COG5: variants seen among roughly 807,000 people sequenced by gnomAD.
COG5 encodes the protein component of oligomeric golgi complex 5.
Under a neutral mutation model 110.4 loss-of-function variants are expected in COG5, and 86 were observed. That is an observed-to-expected ratio of 0.78 (90% CI 0.65 to 0.93). The LOEUF is 0.93. Ranked by LOEUF, COG5 falls within the 40% of genes least tolerant of loss-of-function variation. The pLI is 0.00. For synonymous variants in COG5, 360 were observed against 334.6 expected (o/e 1.08, Z -0.83); for missense variants, 1,077 against 987.0 (o/e 1.09, Z -1.22).
intron 6 of COG5, among the ~76,000 whole-genome samples, chr7:107,413,461 A>G (rs1035036665): frequency 6.6e-6 from 1 of 151,940 alleles, no homozygotes; most frequent in African/African-American, 2.4e-5. Context: ...AGAAAGGTCT[A>G]TATTATTTTA....
At chr7:107,394,269 G>T (rs142974731) in intron 7 of COG5, among the ~76,000 whole-genome samples, 2,165 of 146,362 alleles carry the variant, frequency 0.015, 50 homozygotes, top group African/African-American at 0.053. Flanking sequence ...GGCCAGAAAA[G>T]ATATTTTTTA....
At chr7:107,341,852 C>G (rs1811194304) in intron 10 of COG5, among the ~76,000 whole-genome samples, 1 of 152,174 alleles carries the variant, frequency 6.6e-6, no homozygotes, top group Admixed American at 6.5e-5. Flanking sequence ...AACTGGATCC[C>G]TACCTTTTAT....
At chr7:107,516,580 A>G (rs949839664) in intron 6 of COG5, among the ~76,000 whole-genome samples, 1 of 152,218 alleles carries the variant, frequency 6.6e-6, no homozygotes, top group African/African-American at 2.4e-5. Flanking sequence ...AGACCTCCCA[A>G]CAGGAGTTGA....
chr7:107,355,750 T>C (rs182557334), intron 10 of COG5, among the ~76,000 whole-genome samples: 75 of 152,236 alleles, frequency 4.9e-4, no homozygotes, highest in Admixed American at 1.8e-3. Flanking sequence ...AAAAGATCAG[T>C]GGTTACAGAG....
chr7:107,479,688 C>T (rs1259293862), intron 6 of COG5, among the ~76,000 whole-genome samples: 1 of 152,082 alleles, frequency 6.6e-6, no homozygotes, highest in Admixed American at 6.6e-5. Flanking sequence ...ACATTGATAA[C>T]ACAGGCAAAA....
chr7:107,547,981 T>C (rs964444724), intron 5 of COG5, 130 bp downstream of exon 5: 2 of 781,496 alleles, frequency 2.6e-6, no homozygotes, highest in South Asian at 1.7e-5. Flanking sequence ...CTTTTTAGTA[T>C]TTTTTTCTCC....
chr7:107,519,564 G>C (rs1211168570), intron 6 of COG5, among the ~76,000 whole-genome samples: 2 of 151,492 alleles, frequency 1.3e-5, no homozygotes, highest in African/African-American at 4.9e-5. Context: ...AAAAATACTT[G>C]GACACATACA....
intron 6 of COG5, among the ~76,000 whole-genome samples, chr7:107,514,029 C>G (rs1404736198): frequency 6.6e-6 from 1 of 151,046 alleles, no homozygotes; most frequent in Non-Finnish European, 1.5e-5. Context: ...GCACATGTAC[C>G]CTAAAACTTA....
chr7:107,419,503 G>T (rs1793120664), intron 6 of COG5, among the ~76,000 whole-genome samples: 1 of 151,398 alleles, frequency 6.6e-6, no homozygotes, highest in Non-Finnish European at 1.5e-5. Flanking sequence ...GAGAATGGAG[G>T]AGGTATATTT....
chr7:107,516,272 G>A (rs1479153456), intron 6 of COG5, among the ~76,000 whole-genome samples: 2 of 152,076 alleles, frequency 1.3e-5, no homozygotes, highest in African/African-American at 2.4e-5. Context: ...CATCATCTTG[G>A]GTGAAGTGTC....
At chr7:107,228,817 G>C (rs1480841580) in intron 19 of COG5, among the ~76,000 whole-genome samples, 2 of 150,640 alleles carry the variant, frequency 1.3e-5, no homozygotes, top group Non-Finnish European at 2.9e-5. Context: ...AACAGGCGAG[G>C]TAAAATATAC....
At chr7:107,251,430 C>G (rs1446360215) in intron 16 of COG5, among the ~76,000 whole-genome samples, 1 of 151,974 alleles carries the variant, frequency 6.6e-6, no homozygotes, top group South Asian at 2.1e-4. Flanking sequence ...TAAAAATCAT[C>G]ATTTGGCTGC....
rs551026030 is a variant in COG5 at position 107,441,255 on chromosome 7, C to CAAA, written c.539-28626_539-28624dup. Among the ~76,000 whole-genome samples the CAAA allele has an allele frequency of 2.9e-3, 203 of 70,254 alleles. 3 individuals carry two copies. The highest frequency in any genetic ancestry group is 5.5e-3 in the African/African-American group (95 of 17,340). 46.1% of individuals were successfully genotyped at this position (70,254 alleles called of 152,430 possible). ...TGGGCAACAGAGTGAGACTCCGTCT[C>CAAA]AAAAAAAAAAAAAAAAAAAAAAGAA... On this transcript the variant is annotated intron_variant, in intron 6 of 21. Coordinates refer to ENST00000297135, the MANE Select transcript of COG5 (RefSeq NM_006348.5).
chr7:107,384,671 T>C (rs894289282), intron 7 of COG5, among the ~76,000 whole-genome samples: 2 of 152,078 alleles, frequency 1.3e-5, no homozygotes, highest in Non-Finnish European at 2.9e-5. Flanking sequence ...GGAGGGCTGG[T>C]CTCATGGGAT....
intron 6 of COG5, among the ~76,000 whole-genome samples, chr7:107,454,207 A>G (rs1795525355): frequency 6.6e-6 from 1 of 152,222 alleles, no homozygotes; most frequent in Non-Finnish European, 1.5e-5. Context: ...TAAAAGAACA[A>G]CATGAATACA....
intron 8 of COG5, among the ~76,000 whole-genome samples, chr7:107,367,486 G>A (rs985202396): frequency 4.6e-5 from 7 of 151,912 alleles, no homozygotes; most frequent in Admixed American, 2.6e-4. Flanking sequence ...ATATCACAAT[G>A]TAACTCACAA....
Position 107,252,732 on chromosome 7 carries a change from T to TCAAAATA in COG5, c.1749+3999_1749+4000insTATTTTG, listed in dbSNP as rs1802613267. 2.6e-5 allele frequency among the ~76,000 whole-genome samples: 4 copies of TCAAAATA among 152,100 alleles called. No homozygotes were observed. In the South Asian group the frequency reaches 8.3e-4, roughly 31 times the overall value. ...AGGAATACATAAAAAGGGTAATACATCATGACTAAGGTTGGTTTGATATTT... is the reference window on the plus strand; with the variant it reads ...AGGAATACATAAAAAGGGTAATACATCAAAATACATGACTAAGGTTGGTTTGATATTT... On this transcript the variant is annotated intron_variant, in intron 16 of 21. Transcript: ENST00000297135.
intron 16 of COG5, among the ~76,000 whole-genome samples, chr7:107,250,312 C>A (rs757688221): frequency 6.6e-6 from 1 of 152,038 alleles, no homozygotes; most frequent in African/African-American, 2.4e-5. Context: ...AAACTAAATG[C>A]GGCTTGCAAC....
chr7:107,274,489 TTC>T (rs1804537966), intron 14 of COG5, among the ~76,000 whole-genome samples: 2 of 152,208 alleles, frequency 1.3e-5, no homozygotes, highest in South Asian at 4.2e-4. Flanking sequence ...CGGGAATATT[TTC>T]TCTCCTGTGC....
Sources: allele counts gnomAD v4.1 joint callset (sites outside exome capture counted in the v4.1 genomes callset), GRCh38; gene constraint gnomAD v4.1.1; transcripts MANE v1.5; gene names NCBI Gene and HGNC (gene_info 2026-07-23, HGNC 2026-07-21).